MIB2: variants seen among roughly 807,000 people sequenced by gnomAD.
MIB2 encodes MIB E3 ubiquitin protein ligase 2, also known as E3 ubiquitin-protein ligase MIB2.
MIB2 carries 78 observed loss-of-function variants against 96.6 expected under a neutral mutation model. The observed-to-expected ratio is 0.81, with a 90% CI of 0.67 to 0.97. The LOEUF is 0.97. Among genes scored for constraint, MIB2 ranks in the 50% least tolerant of loss-of-function variants. The probability of loss-of-function intolerance (pLI) is 0.00; values close to 1 mark genes in which losing one functional copy is unlikely to be tolerated. For missense variants in MIB2, 1,543 were observed against 1,424.0 expected (o/e 1.08, Z -1.35); for synonymous variants, 820 against 629.5 (o/e 1.30, Z -4.53).
At chr1:1,616,166 AC>A (rs902526612) in intron 1 of MIB2, 1 of 929,890 alleles carries the variant, frequency 1.1e-6, no homozygotes, top group African/African-American at 1.8e-5. Flanking sequence ...AGCCACGGGC[AC>A]GAATGACAGG....
intron 2 of MIB2, chr1:1,616,835 C>CACTCT (rs1291940218): frequency 4.3e-5 from 21 of 489,204 alleles, no homozygotes; most frequent in Admixed American, 2.5e-4. Context: ...AGGATTGGGG[C>CACTCT]AGAGCGGCCG....
Position 1,630,341 on chromosome 1 carries a change from G to T in MIB2, c.2679G>T (p.Gln893His), listed in dbSNP as rs745411961. Residue 893 changes from glutamine to histidine, a missense_variant, in exon 20 of 20, where the codon CAG (glutamine) becomes CAT (histidine). By Grantham distance (24) the Gln-to-His change is conservative. Coordinates refer to ENST00000355826, the MANE Select transcript of MIB2 (RefSeq NM_001170687.4). ...SAAPAPGPPR[Q>H]LVEELQSRYR... ...CCCCCGCCCCCGGCCCGCCGCGCCAGCTGGTGGAGGAGCTGCAGAGCCGCT... is the reference window on the plus strand; with the variant it reads ...CCCCCGCCCCCGGCCCGCCGCGCCATCTGGTGGAGGAGCTGCAGAGCCGCT... 63 of 1,530,898 alleles carry T rather than the reference G, an allele frequency of 4.1e-5. No homozygotes were observed. Among genetic ancestry groups the T allele is most frequent in the Non-Finnish European group, 5.3e-5 (61 of 1,141,854 alleles). The allele number at this position is 1,530,898 out of a possible 1,614,324, so 94.8% of individuals were successfully genotyped here.
Position 1,625,882 on chromosome 1 carries a change from G to T in MIB2, c.972+229G>T. ...GGTATGTCTCTGGGAGCTGGAATGG[G>T]CAGGTTAGGGCCTCCCTCTGTTCCA... On this transcript the variant is annotated intron_variant, in intron 8 of 19. Transcript: ENST00000355826. This position sits in a 1 kb window ranked among gnomAD's most constrained non-coding sequence, Gnocchi z 5.0. 5.2e-6 allele frequency: 3 copies of T among 576,014 alleles called. No homozygotes were observed. In the South Asian group the frequency reaches 6.3e-5, roughly 12 times the overall value. The allele number at this position is 576,014 out of a possible 1,614,324, so 35.7% of individuals were successfully genotyped here.
intron 13 of MIB2, 89 bp from the exon 14 acceptor site, chr1:1,627,930 C>T: frequency 6.2e-7 from 1 of 1,600,792 alleles, no homozygotes; most frequent in Non-Finnish European, 8.5e-7. Flanking sequence ...CCTGGGTGCC[C>T]CCTGCCCGTG....
rs746691806 is a variant in MIB2, at chr1:1,616,589, C to A, written c.-48C>A. 2 of 1,600,426 alleles carry A rather than the reference C, an allele frequency of 1.2e-6. No homozygotes were observed. The highest frequency in any genetic ancestry group is 1.7e-6 in the Non-Finnish European group (2 of 1,173,832). ...GCAGCCCAGGAGCCTCAAGGCGGCC[C>A]GGCGGGCGACTGGACGGCCGGACAG... On this transcript the variant is annotated 5_prime_UTR_variant, in exon 2 of 20. Coordinates refer to ENST00000355826, the MANE Select transcript of MIB2 (RefSeq NM_001170687.4).
intron 15 of MIB2, 27 bp from the exon 16 acceptor site, chr1:1,628,462 G>T (rs1407120813): frequency 5.0e-6 from 8 of 1,596,614 alleles, no homozygotes; most frequent in African/African-American, 1.3e-5. Context: ...GGGTCCCTGG[G>T]CTGAGCCCGT....
chr1:1,620,918 G>A (rs1203080616), intron 2 of MIB2, among the ~76,000 whole-genome samples: 1 of 152,276 alleles, frequency 6.6e-6, no homozygotes, highest in Non-Finnish European at 1.5e-5. Context: ...TCATGACCCA[G>A]GTGGGGCCAT....
rs1056729749 is a variant in MIB2 at position 1,625,915 on chromosome 1, A to G, written c.972+262A>G. 10 of 544,248 alleles carry G rather than the reference A, an allele frequency of 1.8e-5. No homozygotes were observed. The highest frequency in any genetic ancestry group is 5.7e-5 in the African/African-American group (3 of 52,764). 33.7% of individuals were successfully genotyped at this position (544,248 alleles called of 1,614,324 possible). ...GGGCCTCCCTCTGTTCCAGGACACCAGGAAGGCAGGACAGCTTCGTGGGCG... is the reference window on the plus strand; with the variant it reads ...GGGCCTCCCTCTGTTCCAGGACACCGGGAAGGCAGGACAGCTTCGTGGGCG... On this transcript the variant is annotated intron_variant, in intron 8 of 19. Coordinates refer to ENST00000355826, the MANE Select transcript of MIB2 (RefSeq NM_001170687.4). This position sits in a 1 kb window ranked among gnomAD's most constrained non-coding sequence, Gnocchi z 5.0.
In MIB2 at chr1:1,630,478, C is replaced by G; in HGVS notation, c.2816C>G (p.Ala939Gly). Residue 939 changes from alanine to glycine, a missense_variant, in exon 20 of 20, where the codon GCC becomes GGC. Ala to Gly is a moderately conservative substitution (Grantham distance 60, BLOSUM62 0). Coordinates refer to ENST00000355826, the MANE Select transcript of MIB2 (RefSeq NM_001170687.4). ...GCCCCCTGCGGCTCCGCGCTCAGCGCCTGCCCCATCTGCCGCCAGCCCATC... is the reference window on the plus strand; with the variant it reads ...GCCCCCTGCGGCTCCGCGCTCAGCGGCTGCCCCATCTGCCGCCAGCCCATC... ...ACAPCGSALS[A>G]CPICRQPIRD... is the part of the protein sequence containing the mutation. 1 of 1,594,554 alleles carries G rather than the reference C, an allele frequency of 6.3e-7. No homozygotes were observed. Among genetic ancestry groups the G allele is most frequent in the Non-Finnish European group, 8.5e-7 (1 of 1,174,930 alleles).
chr1:1,619,369 C>G (rs896812252), intron 2 of MIB2, among the ~76,000 whole-genome samples: 1 of 152,158 alleles, frequency 6.6e-6, no homozygotes, highest in Non-Finnish European at 1.5e-5. Context: ...AGCGAGATTA[C>G]GTCTCAAAAA....
At chr1:1,619,200 C>G (rs1644029464) in intron 2 of MIB2, 1 of 152,274 alleles carries the variant, frequency 6.6e-6, no homozygotes, top group South Asian at 2.1e-4. Context: ...GGTGAAACCC[C>G]CGTCTCTACT....
chr1:1,616,334 G>A (rs1417330041), intron 1 of MIB2, 174 bp from the exon 2 acceptor site: 3 of 496,126 alleles, frequency 6.0e-6, no homozygotes, highest in Non-Finnish European at 1.0e-5. Context: ...CGGCGCTGGC[G>A]GCTCCTGCGC....
Position 1,626,044 on chromosome 1 carries a change from G to A in MIB2, c.972+391G>A, listed in dbSNP as rs555695994. 8.6e-4 allele frequency: 195 copies of A among 226,682 alleles called. 6 individuals carry two copies. In the South Asian group the frequency reaches 0.012, roughly 14 times the overall value. 14.0% of individuals were successfully genotyped at this position (226,682 alleles called of 1,614,324 possible). On this transcript the variant is annotated intron_variant, in intron 8 of 19. Coordinates refer to ENST00000355826, the MANE Select transcript of MIB2 (RefSeq NM_001170687.4). This position sits in a 1 kb window ranked among gnomAD's most constrained non-coding sequence, Gnocchi z 5.3. ...GGTGGATGCTTGGCCTAGAGTGGTG[G>A]GGGAGGTAGTGAGGGCTGCCTGGGA...
Position 1,625,723 on chromosome 1 carries a change from T to TG in MIB2, c.972+76dup, listed in dbSNP as rs1037249662. 6.0e-6 allele frequency: 8 copies of TG among 1,322,554 alleles called. No homozygotes were observed. The highest frequency in any genetic ancestry group is 2.3e-4 in the Middle Eastern group (1 of 4,368). 81.9% of individuals were successfully genotyped at this position (1,322,554 alleles called of 1,614,324 possible). A position where few individuals can be genotyped will look rare whatever the true frequency, so the allele number is the denominator to read the frequency against. On this transcript the variant is annotated intron_variant, in intron 8 of 19. Coordinates refer to ENST00000355826, the MANE Select transcript of MIB2 (RefSeq NM_001170687.4). The surrounding 1 kb of genome is among the most constrained non-coding windows in gnomAD (Gnocchi z 5.0). Reference sequence around the variant, plus strand: ...CCCCTTCCACGTACCCCCTTGGCCTTGGGGGGTCAGGCAGGACTAGGGTGC... The same window carrying TG: ...CCCCTTCCACGTACCCCCTTGGCCTTGGGGGGGTCAGGCAGGACTAGGGTGC...
upstream of MIB2, chr1:1,615,490 C>G: frequency 6.6e-7 from 1 of 1,526,384 alleles, no homozygotes; most frequent in Non-Finnish European, 8.7e-7. Flanking sequence ...GGGGCGGGCC[C>G]TGGGCTCCCG....
Position 1,625,150 on chromosome 1 carries a change from G to A in MIB2, c.686G>A (p.Gly229Asp), listed in dbSNP as rs1644620094. Reference protein sequence around the residue: ...VDLKCVGEAAGGFYYKDHLPR... With the variant: ...VDLKCVGEAADGFYYKDHLPR... ...CTCAAGTGTGTGGGCGAGGCAGCGG[G>A]CGGCTTCTACTACAAGGACCACCTC... Residue 229 changes from glycine (G) to aspartate (D), a missense_variant, in exon 6 of 20, where the codon GGC becomes GAC. Transcript: ENST00000355826. This position sits in a 1 kb window ranked among gnomAD's most constrained non-coding sequence, Gnocchi z 5.0. The A allele has an allele frequency of 1.2e-6, 2 of 1,612,426 alleles. No individual in the cohort carries two copies. Among genetic ancestry groups the A allele is most frequent in the African/African-American group, 2.7e-5 (2 of 74,904 alleles).
chr1:1,629,118 T>G lies in MIB2; in HGVS notation c.2203-15T>G, dbSNP rs995243763. 5 of 1,457,566 alleles carry G rather than the reference T, an allele frequency of 3.4e-6. No individual in the cohort carries two copies. The Admixed American group carries it at 1.4e-4, about 40-fold the overall frequency. The allele number at this position is 1,457,566 out of a possible 1,614,324, so 90.3% of individuals were successfully genotyped here. On this transcript the variant is annotated splice_polypyrimidine_tract_variant and intron_variant, in intron 16 of 19. Transcript: ENST00000355826. ...CCCGGCGCCCGCCCTCACCGGCGTC[T>G]GTCCTGCCGCCCAGCTACAGGCCTC...
chr1:1,628,369 C>A lies in MIB2; in HGVS notation c.1938C>A (p.His646Gln), dbSNP rs767625050. 3 of 1,612,570 alleles carry A rather than the reference C, an allele frequency of 1.9e-6. No homozygotes were observed. In the African/African-American group the frequency reaches 4.0e-5, roughly 22 times the overall value. The change falls in exon 15 of 20, where the codon CAC (histidine) becomes CAA (glutamine). Residue 646 changes from histidine to glutamine, a missense_variant. By Grantham distance (24) the His-to-Gln change is conservative. Transcript: ENST00000355826. ...TALHLAALNN[H>Q]REVAQILIRE... ...TGCATCTGGCTGCCCTCAACAACCA[C>A]CGCGAGGTGGCCCAGATCCTCATCC...
intron 2 of MIB2, among the ~76,000 whole-genome samples, chr1:1,620,943 C>T (rs1433119122): frequency 6.6e-6 from 1 of 152,214 alleles, no homozygotes; most frequent in African/African-American, 2.4e-5. Context: ...CTGGGCTGGC[C>T]GGTGGAACTG....
Sources: gnomAD v4.1 joint callset for allele counts (sites outside exome capture counted in the v4.1 genomes callset) on GRCh38, gnomAD v4.1.1 for gene constraint, Gnocchi (gnomAD v3.1) non-coding constraint, MANE v1.5 for transcripts, NCBI Gene and HGNC (gene_info 2026-07-23, HGNC 2026-07-21) for gene names.